CLSTN2: variants seen among roughly 807,000 people sequenced by gnomAD.
CLSTN2 encodes calsyntenin-2.
In CLSTN2, 48 loss-of-function variants were observed where a neutral mutation model predicts 101.2. The ratio of observed to expected loss-of-function variants is 0.47; its 90% CI spans 0.38 to 0.60. CLSTN2 has a LOEUF of 0.60. CLSTN2 is among the 20% of genes least tolerant of loss of function. The pLI, the probability that CLSTN2 is intolerant of heterozygous loss-of-function variation, is 0.00. For synonymous variants in CLSTN2, 481 were observed against 463.6 expected (o/e 1.04, Z -0.48); for missense variants, 1,160 against 1,238.2 (o/e 0.94, Z 0.95).
At chr3:140,195,595 C>T (rs1188549381) in intron 2 of CLSTN2, among the ~76,000 whole-genome samples, 2 of 151,994 alleles carry the variant, frequency 1.3e-5, no homozygotes, top group Non-Finnish European at 2.9e-5. Flanking sequence ...CCAAGGCTGC[C>T]AGATCTTGTC....
intron 2 of CLSTN2, among the ~76,000 whole-genome samples, chr3:140,315,063 C>A (rs2087215596): frequency 6.6e-6 from 1 of 152,116 alleles, no homozygotes; most frequent in African/African-American, 2.4e-5. Context: ...ATTAGAGTGT[C>A]CTGAAAGTTG....
intron 1 of CLSTN2, among the ~76,000 whole-genome samples, chr3:140,073,597 T>C (rs2008433413): frequency 6.6e-6 from 1 of 152,178 alleles, no homozygotes; most frequent in African/African-American, 2.4e-5. Context: ...CATCTCCCAA[T>C]GGACCAAGGA....
chr3:140,480,805 C>T (rs1443939737), intron 8 of CLSTN2, among the ~76,000 whole-genome samples: 1 of 152,062 alleles, frequency 6.6e-6, no homozygotes, highest in African/African-American at 2.4e-5. Context: ...TTGTTTTTTT[C>T]TCGTAAATTT....
chr3:140,230,786 C>T (rs539473721), intron 2 of CLSTN2, among the ~76,000 whole-genome samples: 236 of 152,178 alleles, frequency 1.6e-3, no homozygotes, highest in Non-Finnish European at 1.6e-3. Context: ...CAATTTAAGA[C>T]ACCACCTTTG....
At chr3:140,110,410 A>T (rs757154791) in intron 1 of CLSTN2, among the ~76,000 whole-genome samples, 13 of 152,226 alleles carry the variant, frequency 8.5e-5, no homozygotes, top group Non-Finnish European at 1.2e-4. Context: ...GGAAATGTAA[A>T]CATTAAACAC....
chr3:140,249,579 T>G (rs1352126883), intron 2 of CLSTN2, among the ~76,000 whole-genome samples: 1 of 152,184 alleles, frequency 6.6e-6, no homozygotes, highest in Non-Finnish European at 1.5e-5. Context: ...GATAGGTGGT[T>G]TGCACATTTT....
chr3:140,296,406 C>T (rs2087003969), intron 2 of CLSTN2, among the ~76,000 whole-genome samples: 1 of 152,206 alleles, frequency 6.6e-6, no homozygotes. Context: ...TCACATCAGA[C>T]ATCATCACAC....
chr3:140,536,787 G>A (rs1264138422), intron 9 of CLSTN2, among the ~76,000 whole-genome samples: 1 of 152,176 alleles, frequency 6.6e-6, no homozygotes, highest in Non-Finnish European at 1.5e-5. Flanking sequence ...CATATGCTAT[G>A]GCAGGGAAGT....
At chr3:140,015,400 G>T (rs989914748) in intron 1 of CLSTN2, among the ~76,000 whole-genome samples, 5 of 152,312 alleles carry the variant, frequency 3.3e-5, no homozygotes, top group Admixed American at 3.3e-4. Flanking sequence ...GGAGGTTGTT[G>T]CTGTCACCTG....
At chr3:140,106,632 A>T (rs78525632) in intron 1 of CLSTN2, among the ~76,000 whole-genome samples, 50 of 152,268 alleles carry the variant, frequency 3.3e-4, no homozygotes, top group African/African-American at 1.2e-3. Flanking sequence ...CCCACAGGAA[A>T]ATGGGAGGAT....
chr3:140,127,196 C>G (rs1430838837), intron 1 of CLSTN2, among the ~76,000 whole-genome samples: 1 of 152,062 alleles, frequency 6.6e-6, no homozygotes, highest in East Asian at 1.9e-4. Flanking sequence ...TAGTAACAAT[C>G]TGTGTTACTG....
chr3:140,388,145 G>A (rs2088074254), intron 2 of CLSTN2, among the ~76,000 whole-genome samples: 2 of 152,252 alleles, frequency 1.3e-5, no homozygotes, highest in African/African-American at 4.8e-5. Flanking sequence ...TACAGGCTGT[G>A]TTGAGTCATA....
intron 1 of CLSTN2, among the ~76,000 whole-genome samples, chr3:139,943,403 G>A (rs1277202416): frequency 1.3e-5 from 2 of 152,090 alleles, no homozygotes; most frequent in African/African-American, 2.4e-5. Flanking sequence ...GTCCCACCAG[G>A]CCTGCAAGAA....
intron 2 of CLSTN2, among the ~76,000 whole-genome samples, chr3:140,351,220 G>C (rs1407246277): frequency 1.3e-5 from 2 of 151,998 alleles, no homozygotes; most frequent in African/African-American, 2.4e-5. Flanking sequence ...AAGAAAGAGA[G>C]GGTTTAATTT....
At chr3:140,091,154 GT>G (rs2008774282) in intron 1 of CLSTN2, among the ~76,000 whole-genome samples, 1 of 152,168 alleles carries the variant, frequency 6.6e-6, no homozygotes, top group South Asian at 2.1e-4. Flanking sequence ...TGTAAGGATT[GT>G]TGTGCACAAA....
intron 2 of CLSTN2, among the ~76,000 whole-genome samples, chr3:140,226,117 C>G (rs2086317689): frequency 6.6e-6 from 1 of 152,134 alleles, no homozygotes. Context: ...AAAAGCCAAT[C>G]CCAAAAGCCT....
At chr3:140,282,111 GC>G (rs1163069115) in intron 2 of CLSTN2, among the ~76,000 whole-genome samples, 2 of 152,152 alleles carry the variant, frequency 1.3e-5, no homozygotes, top group Non-Finnish European at 2.9e-5. Flanking sequence ...TTTACATGAT[GC>G]TCTGCTTACT....
rs988010189 is a variant in CLSTN2 at position 140,570,808 on chromosome 3, C to T, written c.*4555C>T. 1 of 152,182 alleles carries T rather than the reference C, an allele frequency of 6.6e-6. No homozygotes were observed. The highest frequency in any genetic ancestry group is 2.4e-5 in the African/African-American group (1 of 41,440). 9.4% of individuals were successfully genotyped at this position (152,182 alleles called of 1,614,324 possible). A position where few individuals can be genotyped will look rare whatever the true frequency, so the allele number is the denominator to read the frequency against. On this transcript the variant is annotated 3_prime_UTR_variant, in exon 17 of 17. Coordinates refer to ENST00000458420, the MANE Select transcript of CLSTN2 (RefSeq NM_022131.3). ...TTGGCCCAAGGCCAAAGTTTGGCAA[C>T]CCGTACCATACACCATGGAAGTTAG...
intron 2 of CLSTN2, among the ~76,000 whole-genome samples, chr3:140,290,521 AAGG>A (rs1278460961): frequency 1.3e-5 from 2 of 152,148 alleles, no homozygotes; most frequent in African/African-American, 4.8e-5. Flanking sequence ...AAATGAGGAA[AAGG>A]AGGAGGTAGG....
Sources: allele counts gnomAD v4.1 joint callset (sites outside exome capture counted in the v4.1 genomes callset), GRCh38; gene constraint gnomAD v4.1.1; transcripts MANE v1.5; gene names NCBI Gene and HGNC (gene_info 2026-07-23, HGNC 2026-07-21).